Variants in KCND2 observed in about 807,000 individuals in gnomAD.
KCND2 encodes the protein potassium voltage-gated channel subfamily D member 2.
In KCND2, 16 loss-of-function variants were observed where a neutral mutation model predicts 54.4. The ratio of observed to expected loss-of-function variants is 0.29; its 90% CI spans 0.20 to 0.45. The LOEUF (loss-of-function observed/expected upper bound fraction) is 0.45, where lower values mean the gene tolerates loss of function less well. Among genes scored for constraint, KCND2 ranks in the 20% least tolerant of loss-of-function variants. The pLI, the probability that KCND2 is intolerant of heterozygous loss-of-function variation, is 1.00. For synonymous variants in KCND2, 317 were observed against 310.7 expected (o/e 1.02, Z -0.21); for missense variants, 486 against 824.2 (o/e 0.59, Z 5.02).
intron 1 of KCND2, among the ~76,000 whole-genome samples, chr7:120,666,487 T>A (rs979570328): frequency 4.6e-5 from 7 of 152,004 alleles, no homozygotes; most frequent in African/African-American, 1.7e-4. Context: ...AGCCACGGAA[T>A]GTAAATGATA....
intron 1 of KCND2, among the ~76,000 whole-genome samples, chr7:120,324,555 G>T (rs1420412717): frequency 1.3e-5 from 2 of 149,654 alleles, no homozygotes; most frequent in African/African-American, 4.9e-5. Context: ...ATTAAATAGG[G>T]AATCCTTTCC....
At position 120,749,700 on chromosome 7, in the gene KCND2, C is replaced by T. The variant is rs1793048527; in HGVS notation, c.*1842C>T. ...ATTTGCTGAGTGAAAGTAAGATAAA[C>T]TCAACTATCTCTTGGGAAGAACTGG... On this transcript the variant is annotated 3_prime_UTR_variant, in exon 6 of 6. Transcript: ENST00000331113. 1 of 152,350 alleles carries T rather than the reference C, an allele frequency of 6.6e-6. No individual in the cohort carries two copies. Among genetic ancestry groups the T allele is most frequent in the South Asian group, 2.1e-4 (1 of 4,828 alleles). 9.4% of individuals were successfully genotyped at this position (152,350 alleles called of 1,614,324 possible).
intron 1 of KCND2, among the ~76,000 whole-genome samples, chr7:120,396,297 G>A (rs752133524): frequency 6.6e-6 from 1 of 151,976 alleles, no homozygotes; most frequent in Non-Finnish European, 1.5e-5. Flanking sequence ...GTGAGACTCT[G>A]TAGAACTTCA....
At chr7:120,645,632 A>G (rs988863330) in intron 1 of KCND2, among the ~76,000 whole-genome samples, 8 of 152,062 alleles carry the variant, frequency 5.3e-5, no homozygotes, top group African/African-American at 1.9e-4. Flanking sequence ...GACAATTGGC[A>G]TGCTAATTTA....
intron 1 of KCND2, among the ~76,000 whole-genome samples, chr7:120,701,637 GA>G (rs1284261588): frequency 1.1e-4 from 16 of 152,064 alleles, no homozygotes; most frequent in Admixed American, 1.0e-3. Context: ...GGAGAGCCCA[GA>G]AATAAAGCCA....
At chr7:120,628,375 A>G (rs1018804157) in intron 1 of KCND2, among the ~76,000 whole-genome samples, 8 of 152,212 alleles carry the variant, frequency 5.3e-5, no homozygotes, top group Admixed American at 5.2e-4. Context: ...TGTAACAAAA[A>G]CACAAAGTGA....
chr7:120,564,618 G>T (rs777784578), intron 1 of KCND2, among the ~76,000 whole-genome samples: 12 of 152,014 alleles, frequency 7.9e-5, no homozygotes, highest in Non-Finnish European at 1.3e-4. Flanking sequence ...ACCAAAAAAA[G>T]TATATAAATT....
intron 1 of KCND2, among the ~76,000 whole-genome samples, chr7:120,702,869 A>G (rs1028847556): frequency 6.6e-6 from 1 of 152,094 alleles, no homozygotes; most frequent in African/African-American, 2.4e-5. Context: ...TAATCTGTAC[A>G]ATAACCCCCC....
chr7:120,550,792 G>A (rs1378633291), intron 1 of KCND2, among the ~76,000 whole-genome samples: 2 of 152,174 alleles, frequency 1.3e-5, no homozygotes, highest in African/African-American at 4.8e-5. Flanking sequence ...GAGGGAAGAG[G>A]CAAAGTAATA....
intron 1 of KCND2, among the ~76,000 whole-genome samples, chr7:120,592,493 C>T (rs1316915787): frequency 6.6e-6 from 1 of 152,160 alleles, no homozygotes. Flanking sequence ...GATCATGCCA[C>T]TGCACTCCAG....
chr7:120,526,373 C>T (rs1299297629), intron 1 of KCND2, among the ~76,000 whole-genome samples: 1 of 152,042 alleles, frequency 6.6e-6, no homozygotes, highest in African/African-American at 2.4e-5. Flanking sequence ...CTAAATTTGA[C>T]TCCTAATATA....
intron 1 of KCND2, among the ~76,000 whole-genome samples, chr7:120,561,234 A>G (rs1253094385): frequency 6.6e-6 from 1 of 152,228 alleles, no homozygotes; most frequent in African/African-American, 2.4e-5. Flanking sequence ...ATAAAGAAGT[A>G]AAAGATGGTA....
chr7:120,303,496 T>G (rs976251713), intron 1 of KCND2, among the ~76,000 whole-genome samples: 1 of 152,234 alleles, frequency 6.6e-6, no homozygotes, highest in Non-Finnish European at 1.5e-5. Flanking sequence ...AGTATCATCT[T>G]AAATCATGTT....
At chr7:120,632,022 T>G (rs1241079809) in intron 1 of KCND2, among the ~76,000 whole-genome samples, 1 of 152,168 alleles carries the variant, frequency 6.6e-6, no homozygotes, top group Non-Finnish European at 1.5e-5. Context: ...GATTTTAGGT[T>G]CTTGTCATTA....
At chr7:120,428,934 G>A (rs892456685) in intron 1 of KCND2, among the ~76,000 whole-genome samples, 10 of 152,036 alleles carry the variant, frequency 6.6e-5, no homozygotes, top group African/African-American at 2.4e-4. Flanking sequence ...TGCTACTCCT[G>A]ATTTTCCATC....
intron 1 of KCND2, among the ~76,000 whole-genome samples, chr7:120,457,803 A>G (rs1344902337): frequency 6.6e-6 from 1 of 152,144 alleles, no homozygotes; most frequent in Non-Finnish European, 1.5e-5. Flanking sequence ...AGGTATCTTT[A>G]CAGCAGTGCC....
intron 1 of KCND2, among the ~76,000 whole-genome samples, chr7:120,455,894 T>C (rs1377059062): frequency 1.3e-5 from 2 of 152,158 alleles, no homozygotes; most frequent in African/African-American, 4.8e-5. Flanking sequence ...AAATAATCTG[T>C]ACACAAAACT....
intron 1 of KCND2, among the ~76,000 whole-genome samples, chr7:120,441,622 A>C (rs892125841): frequency 6.6e-6 from 1 of 152,142 alleles, no homozygotes; most frequent in African/African-American, 2.4e-5. Context: ...AAAATGGGAC[A>C]TAGAAAACTC....
chr7:120,403,651 CTTATAA>C (rs1031504248), intron 1 of KCND2, among the ~76,000 whole-genome samples: 1 of 151,320 alleles, frequency 6.6e-6, no homozygotes, highest in African/African-American at 2.4e-5. Context: ...TAACGTAAGA[CTTATAA>C]TTGAAAACAA....
Sources: gnomAD v4.1 joint callset for allele counts (sites outside exome capture counted in the v4.1 genomes callset) on GRCh38, gnomAD v4.1.1 for gene constraint, MANE v1.5 for transcripts, NCBI Gene and HGNC (gene_info 2026-07-23, HGNC 2026-07-21) for gene names.